Variants in C12orf43 observed in about 807,000 individuals in gnomAD.
C12orf43 encodes the protein chromosome 12 open reading frame 43.
Under a neutral mutation model 20.6 loss-of-function variants are expected in C12orf43, and 15 were observed. That is an observed-to-expected ratio of 0.73 (90% CI 0.49 to 1.12). The LOEUF (loss-of-function observed/expected upper bound fraction) is 1.12, where lower values mean the gene tolerates loss of function less well. C12orf43 is among the 50% of genes most tolerant of loss of function. The probability of loss-of-function intolerance (pLI) is 0.00; values close to 1 mark genes in which losing one functional copy is unlikely to be tolerated. For missense variants in C12orf43, 334 were observed against 344.4 expected, an observed-to-expected ratio of 0.97 and a Z score of 0.24; for synonymous variants, 144 against 130.8, an observed-to-expected ratio of 1.10 and a Z score of -0.69.
Position 121,004,913 on chromosome 12 carries a change from G to C in C12orf43, c.452+90C>G. On this transcript the variant is annotated intron_variant, in intron 5 of 5. Transcript: ENST00000288757. The surrounding 1 kb of genome is among the most constrained non-coding windows in gnomAD (Gnocchi z 5.6). Reference sequence around the variant, plus strand: ...AGGGCCACTGCCTTGGCCTGGTCCTGACTGGAGTCTGCTTGGCTATTCCAG... The same window carrying C: ...AGGGCCACTGCCTTGGCCTGGTCCTCACTGGAGTCTGCTTGGCTATTCCAG... 1 of 974,102 alleles carries C rather than the reference G, an allele frequency of 1.0e-6. No homozygotes were observed. Among genetic ancestry groups the C allele is most frequent in the South Asian group, 2.5e-5 (1 of 40,096 alleles). The allele number at this position is 974,102 out of a possible 1,614,324, so 60.3% of individuals were successfully genotyped here. A position where few individuals can be genotyped will look rare whatever the true frequency, so the allele number is the denominator to read the frequency against.
At chr12:121,014,584 C>G (rs1357841071) in intron 1 of C12orf43, among the ~76,000 whole-genome samples, 1 of 136,026 alleles carries the variant, frequency 7.4e-6, no homozygotes, top group Non-Finnish European at 1.5e-5. Flanking sequence ...GAGCTGAGAT[C>G]GTGCCATTGC....
At chr12:121,007,877 C>T (rs757653629) in intron 3 of C12orf43, among the ~76,000 whole-genome samples, 3 of 152,092 alleles carry the variant, frequency 2.0e-5, no homozygotes, top group Non-Finnish European at 4.4e-5. Flanking sequence ...ACCCAGGCAC[C>T]TGTTCTTGAC....
rs1378364449 is a variant in C12orf43, at chr12:121,002,458, G to A, written c.*1695C>T. 7.6e-6 allele frequency: 4 copies of A among 528,786 alleles called. No individual in the cohort carries two copies. Among genetic ancestry groups the A allele is most frequent in the African/African-American group, 5.6e-5 (3 of 53,456 alleles). 32.8% of individuals were successfully genotyped at this position (528,786 alleles called of 1,614,324 possible). ...CCCCTGCAGCTTGTAGCCAGCCGGG[G>A]CGAGTGGCACGTTTATTTAACTTTT... On this transcript the variant is annotated 3_prime_UTR_variant, in exon 6 of 6. Transcript: ENST00000288757.
At position 121,002,469 on chromosome 12, in the gene C12orf43, GTTTAT is replaced by G; in HGVS notation, c.*1679_*1683del. ...TGTAGCCAGCCGGGGCGAGTGGCACGTTTATTTAACTTTTAGTAAAGTCAAGGAGA... is the reference window on the plus strand; with the variant it reads ...TGTAGCCAGCCGGGGCGAGTGGCACGTTAACTTTTAGTAAAGTCAAGGAGA... On this transcript the variant is annotated 3_prime_UTR_variant, in exon 6 of 6. Transcript: ENST00000288757. 1 of 524,036 alleles carries G rather than the reference GTTTAT, an allele frequency of 1.9e-6. No homozygotes were observed. The highest frequency in any genetic ancestry group is 3.7e-6 in the Non-Finnish European group (1 of 268,754). The allele number at this position is 524,036 out of a possible 1,614,324, so 32.5% of individuals were successfully genotyped here. A position where few individuals can be genotyped will look rare whatever the true frequency, so the allele number is the denominator to read the frequency against.
chr12:121,001,966 C>T lies in C12orf43; in HGVS notation c.*2187G>A, dbSNP rs531532303. The T allele has an allele frequency of 4.3e-5, 23 of 532,960 alleles. No homozygotes were observed. The highest frequency in any genetic ancestry group is 4.3e-4 in the African/African-American group (23 of 54,024). The allele number at this position is 532,960 out of a possible 1,614,324, so 33.0% of individuals were successfully genotyped here. A position where few individuals can be genotyped will look rare whatever the true frequency, so the allele number is the denominator to read the frequency against. On this transcript the variant is annotated 3_prime_UTR_variant, in exon 6 of 6. Transcript: ENST00000288757. ...TGGCCTCCTGCCTCTACTGGGAAGG[C>T]TACTTCGGGGCTGGGAAGTCGTCCT...
In C12orf43 at chr12:121,004,246, C is replaced by A. The variant is rs764083808; in HGVS notation, c.696G>T (p.Ser232=). The change falls in exon 6 of 6, where the codon TCG becomes TCT. Residue 232 remains serine, a synonymous_variant. Transcript: ENST00000288757. The surrounding 1 kb of genome is among the most constrained non-coding windows in gnomAD (Gnocchi z 5.6). ...KSGELNGDQV[S]LGTKKKKKAK... ...CCTTTTTCTTCTTTTTGGTCCCAAG[C>A]GACACCTGGTCCCCGTTGAGCTCAC... 4 of 1,614,162 alleles carry A rather than the reference C, an allele frequency of 2.5e-6. No individual in the cohort carries two copies. Among genetic ancestry groups the A allele is most frequent in the Non-Finnish European group, 2.5e-6 (3 of 1,180,032 alleles).
chr12:121,005,045 T>G lies in C12orf43; in HGVS notation c.410A>C (p.Glu137Ala), dbSNP rs889719783. 9.2e-6 allele frequency: 14 copies of G among 1,515,320 alleles called. No individual in the cohort carries two copies. Among genetic ancestry groups the G allele is most frequent in the African/African-American group, 8.3e-5 (6 of 71,892 alleles). 93.9% of individuals were successfully genotyped at this position (1,515,320 alleles called of 1,614,324 possible). A position where few individuals can be genotyped will look rare whatever the true frequency, so the allele number is the denominator to read the frequency against. ...TCGCTTTCGGCGGGGTTGGGGAGAC[T>G]CTTCCTTCTCACGGCCTCCAGGGAC... is the stretch of plus-strand genomic sequence containing the variant. ...TSVPGGREKEESPQPRRKRQP... is the reference protein window; with the variant it reads ...TSVPGGREKEASPQPRRKRQP... The change falls in exon 5 of 6, where the codon GAG becomes GCG. Residue 137 changes from glutamate (E) to alanine (A), a missense_variant. Physicochemically the swap from Glu to Ala is moderately radical, Grantham distance 107. Coordinates refer to ENST00000288757, the MANE Select transcript of C12orf43 (RefSeq NM_022895.3). The surrounding 1 kb of genome is among the most constrained non-coding windows in gnomAD (Gnocchi z 5.6).
rs1868941184 is a variant in C12orf43, at chr12:121,016,440, T to G, written c.35A>C (p.Glu12Ala). 3 of 1,613,970 alleles carry G rather than the reference T, an allele frequency of 1.9e-6. No homozygotes were observed. In the African/African-American group the frequency reaches 4.0e-5, roughly 22 times the overall value. ...AAPSGTVSDSESSNSSSDAEE... is the reference protein window; with the variant it reads ...AAPSGTVSDSASSNSSSDAEE... Reference sequence around the variant, plus strand: ...CGCATCGCTACTGCTGTTACTACTTTCCGAATCGCTCACTGTGCCACTGGG... The same window carrying G: ...CGCATCGCTACTGCTGTTACTACTTGCCGAATCGCTCACTGTGCCACTGGG... Residue 12 changes from glutamate to alanine, a missense_variant, in exon 1 of 6, where the codon GAA becomes GCA. Physicochemically the swap from Glu to Ala is moderately radical, Grantham distance 107. Transcript: ENST00000288757.
chr12:121,011,159 G>A lies in C12orf43; in HGVS notation c.146-13C>T. 1 of 1,612,990 alleles carries A rather than the reference G, an allele frequency of 6.2e-7. No individual in the cohort carries two copies. Among genetic ancestry groups the A allele is most frequent in the South Asian group, 1.1e-5 (1 of 91,008 alleles). On this transcript the variant is annotated splice_polypyrimidine_tract_variant and intron_variant, in intron 1 of 5. Transcript: ENST00000288757. ...CTATTTGCAGCACCTGTGGAAAAATGAAAATTAGGGCATTTATAGAGGAAA... is the reference window on the plus strand; with the variant it reads ...CTATTTGCAGCACCTGTGGAAAAATAAAAATTAGGGCATTTATAGAGGAAA...
intron 1 of C12orf43, among the ~76,000 whole-genome samples, chr12:121,014,670 A>C (rs1191188917): frequency 2.0e-5 from 3 of 150,678 alleles, no homozygotes; most frequent in Non-Finnish European, 4.4e-5. Flanking sequence ...AACCCCAAAA[A>C]ACAAACAAAC....
At chr12:121,013,763 T>G (rs1169962194) in intron 1 of C12orf43, among the ~76,000 whole-genome samples, 1 of 152,232 alleles carries the variant, frequency 6.6e-6, no homozygotes, top group Admixed American at 6.5e-5. Context: ...AATAGACACT[T>G]GTCCATGGCA....
Position 121,004,553 on chromosome 12 carries a change from C to A in C12orf43, c.453-64G>T, listed in dbSNP as rs548169633. 1.7e-5 allele frequency: 25 copies of A among 1,473,560 alleles called. No homozygotes were observed. The highest frequency in any genetic ancestry group is 2.1e-5 in the Non-Finnish European group (23 of 1,100,918). The allele number at this position is 1,473,560 out of a possible 1,614,324, so 91.3% of individuals were successfully genotyped here. ...AGGACACAGCCCCAGAGCTGCCTCT[C>A]GCTGTCCTCCCTTGGTCCAGGTCAC... On this transcript the variant is annotated intron_variant, in intron 5 of 5. Transcript: ENST00000288757. This position sits in a 1 kb window ranked among gnomAD's most constrained non-coding sequence, Gnocchi z 5.6.
chr12:121,008,800 A>G (rs1037911082), intron 3 of C12orf43, among the ~76,000 whole-genome samples: 1 of 152,190 alleles, frequency 6.6e-6, no homozygotes, highest in South Asian at 2.1e-4. Flanking sequence ...ATCCTGCCTC[A>G]TCTCCCTTTC....
At chr12:121,010,741 C>T in intron 3 of C12orf43, 87 bp downstream of exon 3, 1 of 1,075,706 alleles carries the variant, frequency 9.3e-7, no homozygotes, top group Non-Finnish European at 1.3e-6. Flanking sequence ...ACCGTGCCAG[C>T]CTGGACACCG....
Position 121,012,315 on chromosome 12 carries a change from G to A in C12orf43, c.146-1169C>T, listed in dbSNP as rs1241065926. 4.3e-6 allele frequency: 3 copies of A among 693,476 alleles called. No homozygotes were observed. In the African/African-American group the frequency reaches 5.3e-5, roughly 12 times the overall value. 43.0% of individuals were successfully genotyped at this position (693,476 alleles called of 1,614,324 possible). On this transcript the variant is annotated intron_variant, in intron 1 of 5. Coordinates refer to ENST00000288757, the MANE Select transcript of C12orf43 (RefSeq NM_022895.3). ...TGCCCAGTAAACCGGGAGCAGCAGA[G>A]ATGGAGAACTCAGAGGGGCCAGATC...
In C12orf43 at chr12:121,011,063, T is replaced by C. The variant is rs201908756; in HGVS notation, c.188+41A>G. On this transcript the variant is annotated intron_variant, in intron 2 of 5. Transcript: ENST00000288757. ...ATCTGGCACACGCAGGGGATCAGTA[T>C]TTGTTGAATAAGTGAAACTTGAACC... 3.9e-5 allele frequency: 62 copies of C among 1,607,500 alleles called. 2 individuals are homozygous for C. The Middle Eastern group carries it at 6.6e-4, about 17-fold the overall frequency.
In C12orf43 at chr12:121,004,079, G is replaced by GA. The variant is rs1417907428; in HGVS notation, c.*73dup. On this transcript the variant is annotated 3_prime_UTR_variant, in exon 6 of 6. Transcript: ENST00000288757. The surrounding 1 kb of genome is among the most constrained non-coding windows in gnomAD (Gnocchi z 5.6). ...AACTTGGAGAGGGAGGTGGGGCTTG[G>GA]AAATGCCTTGTCCCCAGGGTGGGGG... 6.6e-7 allele frequency: 1 copy of GA among 1,513,760 alleles called. No individual in the cohort carries two copies. Among genetic ancestry groups the GA allele is most frequent in the African/African-American group, 1.4e-5 (1 of 72,752 alleles). The allele number at this position is 1,513,760 out of a possible 1,614,324, so 93.8% of individuals were successfully genotyped here.
intron 2 of C12orf43, 57 bp from the exon 3 acceptor site, chr12:121,010,983 GCACAGGGACCA>G (rs1878411149): frequency 1.3e-6 from 2 of 1,597,884 alleles, no homozygotes; most frequent in Admixed American, 3.3e-5. Flanking sequence ...GTCCCCATGA[GCACAGGGACCA>G]TGTGTGTCTT....
rs769404658 is a variant in C12orf43, at chr12:121,001,238, G to C, written c.*2915C>G. 1.9e-6 allele frequency: 3 copies of C among 1,608,996 alleles called. No homozygotes were observed. Among genetic ancestry groups the C allele is most frequent in the East Asian group, 4.5e-5 (2 of 44,736 alleles). ...GGCCTGTACTGCCTGCTTGGGGGGT[G>C]ATGAGGGCAGCAGCCAGCCCTGCCT... On this transcript the variant is annotated 3_prime_UTR_variant, in exon 6 of 6. Coordinates refer to ENST00000288757, the MANE Select transcript of C12orf43 (RefSeq NM_022895.3).
Sources: allele counts gnomAD v4.1 joint callset (sites outside exome capture counted in the v4.1 genomes callset), GRCh38; gene constraint gnomAD v4.1.1; non-coding constraint Gnocchi (gnomAD v3.1); transcripts MANE v1.5; gene names NCBI Gene and HGNC (gene_info 2026-07-23, HGNC 2026-07-21).